RARB: variants seen among roughly 807,000 people sequenced by gnomAD.
RARB encodes the protein retinoic acid receptor beta, also known as HBV-activated protein.
RARB carries 17 observed loss-of-function variants against 51.9 expected under a neutral mutation model. The observed-to-expected ratio is 0.33, with a 90% confidence interval of 0.22 to 0.49. RARB has a LOEUF of 0.49. Among genes scored for constraint, RARB ranks in the 20% least tolerant of loss-of-function variants. The pLI, the probability that RARB is intolerant of heterozygous loss-of-function variation, is 0.99. For synonymous variants in RARB, 215 were observed against 195.4 expected (o/e 1.10, Z -0.84); for missense variants, 369 against 550.8 (o/e 0.67, Z 3.30).
chr3:25,380,599 A>G (rs1486709829), intron 5 of RARB, among the ~76,000 whole-genome samples: 1 of 114,052 alleles, frequency 8.8e-6, no homozygotes, highest in African/African-American at 2.6e-5. Context: ...AAGAAAAAAA[A>G]TAAACAAGCA....
At chr3:24,961,700 A>G (rs1696142921) in intron 2 of RARB, among the ~76,000 whole-genome samples, 1 of 152,144 alleles carries the variant, frequency 6.6e-6, no homozygotes, top group Non-Finnish European at 1.5e-5. Flanking sequence ...CAGAACAGGG[A>G]ATTAATGTCA....
At chr3:25,276,631 A>G (rs760535840) in intron 5 of RARB, among the ~76,000 whole-genome samples, 1 of 152,256 alleles carries the variant, frequency 6.6e-6, no homozygotes, top group Admixed American at 6.5e-5. Flanking sequence ...GTTAAAAGAC[A>G]TTATGCCTCT....
chr3:25,003,502 T>C (rs1393356320), intron 2 of RARB, among the ~76,000 whole-genome samples: 2 of 152,182 alleles, frequency 1.3e-5, no homozygotes, highest in Non-Finnish European at 2.9e-5. Flanking sequence ...GTCAGCACTG[T>C]GATATTTCAT....
chr3:25,104,477 T>A (rs1699461045), intron 3 of RARB, among the ~76,000 whole-genome samples: 1 of 152,094 alleles, frequency 6.6e-6, no homozygotes, highest in Admixed American at 6.6e-5. Context: ...AACCCATCTC[T>A]ACTGAAAATA....
At chr3:25,193,177 G>A (rs1381675608) in intron 5 of RARB, among the ~76,000 whole-genome samples, 1 of 151,988 alleles carries the variant, frequency 6.6e-6, no homozygotes, top group Admixed American at 6.6e-5. Context: ...TTTTGGCTTA[G>A]TTGTGTGTCT....
intron 3 of RARB, among the ~76,000 whole-genome samples, chr3:25,534,789 C>G (rs933192119): frequency 3.3e-5 from 5 of 152,110 alleles, no homozygotes; most frequent in Non-Finnish European, 7.4e-5. Flanking sequence ...TCATCTTTAA[C>G]TAAAAGATGG....
chr3:25,501,238 G>A lies in RARB; in HGVS notation c.363G>A (p.Lys121=). 1 of 1,611,264 alleles carries A rather than the reference G, an allele frequency of 6.2e-7. No homozygotes were observed. Among genetic ancestry groups the A allele is most frequent in the Non-Finnish European group, 8.5e-7 (1 of 1,179,150 alleles). Residue 121 remains lysine, a synonymous_variant, in exon 3 of 8, where the codon AAG becomes AAA. Coordinates refer to ENST00000330688, the MANE Select transcript of RARB (RefSeq NM_000965.5). ...TGATTTACACTTGTCACCGAGATAA[G>A]AACTGTGTTATTAATAAAGTCACCA... ...KNMIYTCHRD[K]NCVINKVTRN...
At chr3:25,103,872 A>G (rs1294957185) in intron 3 of RARB, among the ~76,000 whole-genome samples, 1 of 152,190 alleles carries the variant, frequency 6.6e-6, no homozygotes, top group African/African-American at 2.4e-5. Flanking sequence ...CTTCTGGTCA[A>G]TAAAATTCTT....
At chr3:25,140,959 C>A (rs892238818) in intron 4 of RARB, among the ~76,000 whole-genome samples, 2 of 152,130 alleles carry the variant, frequency 1.3e-5, no homozygotes, top group East Asian at 3.9e-4. Context: ...CTTTTTTAGA[C>A]ACAATGCTGA....
At chr3:25,458,213 T>C (rs1260296327) in intron 1 of RARB, 2 of 152,246 alleles carry the variant, frequency 1.3e-5, no homozygotes, top group African/African-American at 4.8e-5. Context: ...CACAATGGAA[T>C]GTTTTCTGTG....
intron 2 of RARB, among the ~76,000 whole-genome samples, chr3:24,986,891 G>GT (rs1170848581): frequency 2.6e-5 from 4 of 152,094 alleles, no homozygotes; most frequent in African/African-American, 9.7e-5. Flanking sequence ...TCTCAGTGGG[G>GT]TGCTATGCTT....
At chr3:25,020,109 A>T (rs1370211558) in intron 2 of RARB, 68 of 13,142 alleles carry the variant, frequency 5.2e-3, no homozygotes, top group African/African-American at 0.036. Context: ...GTTCTCTATT[A>T]TTATTATTAT....
intron 4 of RARB, among the ~76,000 whole-genome samples, chr3:25,149,833 G>T (rs1225093797): frequency 1.3e-5 from 2 of 152,210 alleles, no homozygotes; most frequent in African/African-American, 2.4e-5. Context: ...GAGAGCAGAA[G>T]AATGCCATCT....
In RARB at chr3:24,906,844, C is replaced by CAA. The variant is rs397875286; in HGVS notation, c.-380+48112_-380+48113dup. Among the ~76,000 whole-genome samples, 326 of 75,618 alleles carry CAA rather than the reference C, an allele frequency of 4.3e-3. 6 individuals carry two copies. The highest frequency in any genetic ancestry group is 9.6e-3 in the Middle Eastern group (1 of 104). The allele number at this position is 75,618 out of a possible 152,430, so 49.6% of individuals were successfully genotyped here. ...TGGACAACAGAATGAGATTCCGTCT[C>CAA]AAAAAAAAAAAAAAAAAAAAAGCAA... On this transcript the variant is annotated intron_variant, in intron 2 of 11. Coordinates refer to the RARB transcript ENST00000383772.
intron 5 of RARB, among the ~76,000 whole-genome samples, chr3:25,262,102 C>T (rs965989421): frequency 6.6e-6 from 1 of 152,172 alleles, no homozygotes; most frequent in Non-Finnish European, 1.5e-5. Context: ...GGGAAGCTCT[C>T]TATGACTAAA....
intron 1 of RARB, among the ~76,000 whole-genome samples, chr3:25,453,462 GT>G (rs1422708777): frequency 2.0e-5 from 3 of 151,844 alleles, no homozygotes; most frequent in Admixed American, 6.6e-5. Flanking sequence ...GGTCAGGCTG[GT>G]CTTGAACTCC....
At chr3:25,171,880 CTA>C (rs140880437) in intron 4 of RARB, among the ~76,000 whole-genome samples, 5,947 of 152,010 alleles carry the variant, frequency 0.039, 283 homozygotes, top group African/African-American at 0.11. Context: ...CAAAATAAAA[CTA>C]TTGAATATAT....
intron 5 of RARB, among the ~76,000 whole-genome samples, chr3:25,193,180 G>T (rs545030357): frequency 4.6e-5 from 7 of 152,042 alleles, no homozygotes; most frequent in Non-Finnish European, 8.8e-5. Flanking sequence ...TGGCTTAGTT[G>T]TGTGTCTCCC....
At chr3:25,484,362 A>T (rs975983849) in intron 2 of RARB, among the ~76,000 whole-genome samples, 1 of 152,080 alleles carries the variant, frequency 6.6e-6, no homozygotes. Flanking sequence ...AGTTTCTGAG[A>T]CCGTGATGTT....
Sources: allele counts gnomAD v4.1 joint callset (sites outside exome capture counted in the v4.1 genomes callset), GRCh38; gene constraint gnomAD v4.1.1; transcripts MANE v1.5; gene names NCBI Gene and HGNC (gene_info 2026-07-23, HGNC 2026-07-21).